The following CEP85 variants were observed in gnomAD, a reference collection of about 807,000 sequenced individuals.
The protein encoded by CEP85 is centrosomal protein of 85 kDa.
CEP85 carries 58 observed loss-of-function variants against 93.7 expected under a neutral mutation model. That is an observed-to-expected ratio of 0.62 (90% CI 0.50 to 0.77). The LOEUF (loss-of-function observed/expected upper bound fraction) is 0.77. CEP85 is among the 30% of genes least tolerant of loss of function. The pLI is 0.00. For missense variants in CEP85, 868 were observed against 922.0 expected, an observed-to-expected ratio of 0.94 and a Z score of 0.76; for synonymous variants, 314 against 338.6, an observed-to-expected ratio of 0.93 and a Z score of 0.80.
chr1:26,257,529 T>C, intron 4 of CEP85, 68 bp from the exon 5 acceptor site: 1 of 1,581,448 alleles, frequency 6.3e-7, no homozygotes. Flanking sequence ...CCCAGCTGAT[T>C]ACTGCTCAGG....
Position 26,250,925 on chromosome 1 carries a change from C to CTTTTTTTTTTTTTTTTT in CEP85, c.209-4240_209-4239insTTTTTTTTTTTTTTTTT, listed in dbSNP as rs71581048. 2.0e-4 allele frequency among the ~76,000 whole-genome samples: 11 copies of CTTTTTTTTTTTTTTTTT among 55,158 alleles called. 2 individuals are homozygous for CTTTTTTTTTTTTTTTTT. The highest frequency in any genetic ancestry group is 1.2e-3 in the East Asian group (2 of 1,718). 36.2% of individuals were successfully genotyped at this position (55,158 alleles called of 152,430 possible). A position where few individuals can be genotyped will look rare whatever the true frequency, so the allele number is the denominator to read the frequency against. On this transcript the variant is annotated intron_variant, in intron 3 of 13. Transcript: ENST00000451429. ...TGAGCCAAGCTTGCCTTTTTTTTTT[C>CTTTTTTTTTTTTTTTTT]TTTTTTCTTTTTTTTTTTTTTTTTT...
chr1:26,235,052 GAGA>G (rs1247177453), intron 1 of CEP85, among the ~76,000 whole-genome samples: 12 of 152,226 alleles, frequency 7.9e-5, no homozygotes, highest in Non-Finnish European at 1.5e-5. Flanking sequence ...TTCCTTCAGC[GAGA>G]AGGAGCTGGT....
chr1:26,238,749 C>T (rs572165284), intron 1 of CEP85, among the ~76,000 whole-genome samples: 1 of 152,298 alleles, frequency 6.6e-6, no homozygotes, highest in South Asian at 2.1e-4. Context: ...CAAGGTTACA[C>T]AGCTAATAAA....
intron 4 of CEP85, among the ~76,000 whole-genome samples, chr1:26,256,605 T>TTC (rs1385433161): frequency 2.5e-4 from 38 of 150,530 alleles, no homozygotes; most frequent in Non-Finnish European, 5.5e-4. Context: ...ATTTTCTTTT[T>TTC]TTTTTTTTTT....
chr1:26,277,002 A>G (rs2124619251), intron 13 of CEP85, 134 bp from the exon 14 acceptor site: 2 of 1,002,580 alleles, frequency 2.0e-6, no homozygotes, highest in East Asian at 4.8e-5. Flanking sequence ...AAATTAACCC[A>G]CTGTCCCCAG....
chr1:26,237,573 T>C (rs1001193273), intron 1 of CEP85, among the ~76,000 whole-genome samples: 1 of 152,348 alleles, frequency 6.6e-6, no homozygotes, highest in Non-Finnish European at 1.5e-5. Context: ...ATACCACATT[T>C]TATGTATCCA....
At chr1:26,235,589 T>TTTTTTTTA (rs2089313990) in intron 1 of CEP85, among the ~76,000 whole-genome samples, 1 of 142,338 alleles carries the variant, frequency 7.0e-6, no homozygotes, top group African/African-American at 2.6e-5. Context: ...TTTTTTTTTG[T>TTTTTTTTA]GAGACGGAGT....
In CEP85 at chr1:26,250,375, C is replaced by T. The variant is rs540717162; in HGVS notation, c.209-4796C>T. On this transcript the variant is annotated intron_variant, in intron 3 of 13. Coordinates refer to ENST00000451429, the MANE Select transcript of CEP85 (RefSeq NM_001319944.2). The stretch of plus-strand genomic sequence containing the variant: ...AGGGATCTAGGTTGCTCAGTCCTTA[C>T]GAGAATCTAATGCCTGATGATCTGA... Among the ~76,000 whole-genome samples, 10 of 152,288 alleles carry T rather than the reference C, an allele frequency of 6.6e-5. No homozygotes were observed. The East Asian group carries it at 1.3e-3, about 21-fold the overall frequency.
intron 3 of CEP85, among the ~76,000 whole-genome samples, chr1:26,248,920 G>A (rs2089557495): frequency 6.6e-6 from 1 of 151,826 alleles, no homozygotes; most frequent in Non-Finnish European, 1.5e-5. Context: ...TAGAGACGGG[G>A]TTTCACCGTG....
At chr1:26,245,122 G>A (rs2089489111) in intron 3 of CEP85, among the ~76,000 whole-genome samples, 1 of 151,576 alleles carries the variant, frequency 6.6e-6, no homozygotes, top group Non-Finnish European at 1.5e-5. Context: ...CATGCTCACT[G>A]CAGCCGTAAA....
intron 2 of CEP85, among the ~76,000 whole-genome samples, chr1:26,241,417 G>A (rs1481369129): frequency 6.6e-6 from 1 of 151,512 alleles, no homozygotes; most frequent in Non-Finnish European, 1.5e-5. Context: ...TAATTTTTTT[G>A]CATTTTTTAA....
In CEP85 at chr1:26,258,269, T is replaced by C; in HGVS notation, c.1155+9T>C. ...GCTTGCTGAGGCTACAGGTAAGTATTGGCCATCAGGATGGCATTCTGTTTG... is the reference window on the plus strand; with the variant it reads ...GCTTGCTGAGGCTACAGGTAAGTATCGGCCATCAGGATGGCATTCTGTTTG... On this transcript the variant is annotated intron_variant, in intron 6 of 13. Coordinates refer to ENST00000451429, the MANE Select transcript of CEP85 (RefSeq NM_001319944.2). 6.4e-7 allele frequency: 1 copy of C among 1,571,382 alleles called. No homozygotes were observed. The highest frequency in any genetic ancestry group is 8.8e-7 in the Non-Finnish European group (1 of 1,141,228).
intron 7 of CEP85, among the ~76,000 whole-genome samples, chr1:26,264,348 C>T (rs2124597975): frequency 6.6e-6 from 1 of 152,254 alleles, no homozygotes; most frequent in South Asian, 2.1e-4. Flanking sequence ...GCCTGGCCAA[C>T]ATGGTGAAAT....
At position 26,274,892 on chromosome 1, in the gene CEP85, C is replaced by T. The variant is rs149248153; in HGVS notation, c.1795-72C>T. 228 of 1,233,448 alleles carry T rather than the reference C, an allele frequency of 1.8e-4. 1 individual carries two copies. The East Asian group carries it at 5.3e-3, about 29-fold the overall frequency. 76.4% of individuals were successfully genotyped at this position (1,233,448 alleles called of 1,614,324 possible). A position where few individuals can be genotyped will look rare whatever the true frequency, so the allele number is the denominator to read the frequency against. On this transcript the variant is annotated intron_variant, in intron 11 of 13. Transcript: ENST00000451429. ...TGAGTCGTCACTATATAGTCCAAGC[C>T]AGCGGTGATATTGTCTGAACCAGAC...
intron 1 of CEP85, among the ~76,000 whole-genome samples, chr1:26,235,112 C>CA: frequency 6.6e-6 from 1 of 152,320 alleles, no homozygotes; most frequent in South Asian, 2.1e-4. Context: ...ATTTGTTCAA[C>CA]AGTATATTCA....
At chr1:26,243,492 T>C (rs2089459844) in intron 2 of CEP85, among the ~76,000 whole-genome samples, 1 of 152,144 alleles carries the variant, frequency 6.6e-6, no homozygotes, top group Non-Finnish European at 1.5e-5. Context: ...TGGATTCAAA[T>C]ATCAGCCCTC....
At chr1:26,271,531 T>TAA (rs559711203) in intron 10 of CEP85, 125 of 162,784 alleles carry the variant, frequency 7.7e-4, no homozygotes, top group African/African-American at 2.8e-3. Context: ...TGCAGGTTAG[T>TAA]AAAAAAAAAA....
intron 11 of CEP85, among the ~76,000 whole-genome samples, chr1:26,272,619 T>G (rs1466083737): frequency 8.0e-6 from 1 of 125,770 alleles, no homozygotes; most frequent in Admixed American, 7.8e-5. Context: ...ATTACAGCAT[T>G]TTTTTTTTTT....
In CEP85 at chr1:26,269,598, T is replaced by G. The variant is rs747891705; in HGVS notation, c.1633T>G (p.Ser545Ala). ...CCTGAGGCAGAGAGAAGCAGAATTC[T>G]CCTCCGCTGGACATAGGTAAATAAC... ...ESLRQREAEF[S>A]SAGHSLQDKQ... Residue 545 changes from serine (S) to alanine (A), a missense_variant, in exon 9 of 14, where the codon TCC (serine) becomes GCC (alanine). By Grantham distance (99) the Ser-to-Ala change is moderately conservative (BLOSUM62 1). Transcript: ENST00000451429. 2.7e-5 allele frequency: 43 copies of G among 1,613,608 alleles called. No homozygotes were observed. In the Admixed American group the frequency reaches 6.8e-4, roughly 26 times the overall value.
Sources: allele counts gnomAD v4.1 joint callset (sites outside exome capture counted in the v4.1 genomes callset), GRCh38; gene constraint gnomAD v4.1.1; transcripts MANE v1.5; gene names NCBI Gene and HGNC (gene_info 2026-07-23, HGNC 2026-07-21).